The following AVPI1 variants were observed in gnomAD, a reference collection of about 807,000 sequenced individuals.
AVPI1 encodes arginine vasopressin induced 1.
AVPI1 carries 9 observed loss-of-function variants against 11.9 expected under a neutral mutation model. That is an observed-to-expected ratio of 0.76 (90% CI 0.46 to 1.32). AVPI1 has a LOEUF of 1.32. AVPI1 is among the 40% of genes most tolerant of loss of function. The pLI is 0.00. For missense variants in AVPI1, 207 were observed against 195.8 expected (o/e 1.06, Z -0.34); for synonymous variants, 68 against 78.1 (o/e 0.87, Z 0.68).
At chr10:97,682,934 C>T (rs1367000245) in intron 1 of AVPI1, among the ~76,000 whole-genome samples, 3 of 152,154 alleles carry the variant, frequency 2.0e-5, no homozygotes, top group Non-Finnish European at 4.4e-5. Flanking sequence ...AGACAACAGT[C>T]GCCAAGTAAC....
chr10:97,678,684 TAAAA>T (rs66489128), intron 2 of AVPI1, among the ~76,000 whole-genome samples: 2 of 145,098 alleles, frequency 1.4e-5, no homozygotes, highest in Non-Finnish European at 3.0e-5. Context: ...TAATTAGGCT[TAAAA>T]AAAAAAAAAA....
At chr10:97,686,447 A>C (rs1244118450) in intron 1 of AVPI1, among the ~76,000 whole-genome samples, 2 of 152,202 alleles carry the variant, frequency 1.3e-5, no homozygotes, top group African/African-American at 4.8e-5. Context: ...TCCTCACTTA[A>C]GGTGGCACTA....
chr10:97,680,902 G>A (rs2041700317), intron 1 of AVPI1, among the ~76,000 whole-genome samples: 1 of 152,188 alleles, frequency 6.6e-6, no homozygotes, highest in African/African-American at 2.4e-5. Flanking sequence ...AAACTTATAA[G>A]AAAGTTCAAT....
At position 97,677,848 on chromosome 10, in the gene AVPI1, A is replaced by G. The variant is rs374234934; in HGVS notation, c.*21T>C. 4.0e-5 allele frequency: 65 copies of G among 1,612,750 alleles called. No homozygotes were observed. Among genetic ancestry groups the G allele is most frequent in the Middle Eastern group, 1.6e-4 (1 of 6,070 alleles). ...TTTTGGCAAGAGGGAAGACACTGCC[A>G]TTCCTGGCTCTTTCCCTGGATCAGT... On this transcript the variant is annotated 3_prime_UTR_variant, in exon 3 of 3. Transcript: ENST00000370626.
At chr10:97,685,381 CTT>C (rs747774265) in intron 1 of AVPI1, among the ~76,000 whole-genome samples, 1 of 152,328 alleles carries the variant, frequency 6.6e-6, no homozygotes, top group East Asian at 1.9e-4. Flanking sequence ...ATTGAGCACT[CTT>C]TGCAATATAT....
At chr10:97,683,666 G>C (rs1044358985) in intron 1 of AVPI1, among the ~76,000 whole-genome samples, 1 of 152,246 alleles carries the variant, frequency 6.6e-6, no homozygotes, top group Non-Finnish European at 1.5e-5. Flanking sequence ...TAGGGTCAGG[G>C]CTCTTTCCTG....
intron 1 of AVPI1, among the ~76,000 whole-genome samples, chr10:97,683,894 G>A (rs1470573779): frequency 2.0e-5 from 3 of 151,966 alleles, no homozygotes; most frequent in Non-Finnish European, 4.4e-5. Context: ...TATAAGAACA[G>A]CTTGATGCTG....
At chr10:97,680,585 G>T (rs2041699042) in intron 1 of AVPI1, among the ~76,000 whole-genome samples, 1 of 152,102 alleles carries the variant, frequency 6.6e-6, no homozygotes, top group Admixed American at 6.5e-5. Flanking sequence ...CATCCCCCCT[G>T]CCTCAGCTGC....
chr10:97,680,325 T>C lies in AVPI1; in HGVS notation c.-10-410A>G, dbSNP rs145303374. ...TACCAGGCACCTGTAACAGCTTGCT[T>C]CACATAGTATCAATGAGATGTAACA... On this transcript the variant is annotated intron_variant, in intron 1 of 2. Transcript: ENST00000370626. Among the ~76,000 whole-genome samples the C allele has an allele frequency of 1.3e-3, 193 of 152,300 alleles. 1 individual carries two copies. The highest frequency in any genetic ancestry group is 4.5e-3 in the African/African-American group (187 of 41,564).
intron 1 of AVPI1, among the ~76,000 whole-genome samples, chr10:97,684,810 C>T (rs1413114810): frequency 6.6e-6 from 1 of 152,170 alleles, no homozygotes; most frequent in African/African-American, 2.4e-5. Context: ...AAGCCCCTCA[C>T]TCTTGGCTCT....
In AVPI1 at chr10:97,679,683, G is replaced by A. The variant is rs201359925; in HGVS notation, c.223C>T (p.Arg75Cys). The A allele has an allele frequency of 1.7e-5, 27 of 1,613,972 alleles. No homozygotes were observed. The highest frequency in any genetic ancestry group is 1.3e-4 in the African/African-American group (10 of 75,044). ...HRVAEALKRL[R>C]RKRPPRQKPL... ...TTCTGCCTTGGGGGCCTCTTCCTGC[G>A]CAGCCTCTTGAGGGCCTCAGCCACA... The change falls in exon 2 of 3, where the codon CGC (arginine) becomes TGC (cysteine). Residue 75 changes from arginine to cysteine, a missense_variant. Arg to Cys is a radical substitution (Grantham distance 180). Coordinates refer to ENST00000370626, the MANE Select transcript of AVPI1 (RefSeq NM_021732.3).
Position 97,677,627 on chromosome 10 carries a change from G to A in AVPI1, c.*242C>T. On this transcript the variant is annotated 3_prime_UTR_variant, in exon 3 of 3. Transcript: ENST00000370626. ...ATCATGCAGCCCAGGAATAGTGTTAGACTGGGAAGGACTGTGGCAGGAACA... is the reference window on the plus strand; with the variant it reads ...ATCATGCAGCCCAGGAATAGTGTTAAACTGGGAAGGACTGTGGCAGGAACA... 1 of 488,270 alleles carries A rather than the reference G, an allele frequency of 2.0e-6. No homozygotes were observed. The highest frequency in any genetic ancestry group is 3.7e-6 in the Non-Finnish European group (1 of 271,114). The allele number at this position is 488,270 out of a possible 1,614,324, so 30.2% of individuals were successfully genotyped here. A position where few individuals can be genotyped will look rare whatever the true frequency, so the allele number is the denominator to read the frequency against.
chr10:97,684,308 C>G (rs1405174446), intron 1 of AVPI1, among the ~76,000 whole-genome samples: 1 of 152,082 alleles, frequency 6.6e-6, no homozygotes, highest in African/African-American at 2.4e-5. Context: ...GAGGAAATGG[C>G]TTGGAGCCTG....
chr10:97,680,074 C>T (rs576978486), intron 1 of AVPI1, among the ~76,000 whole-genome samples, 159 bp from the exon 2 acceptor site: 1 of 152,268 alleles, frequency 6.6e-6, no homozygotes, highest in South Asian at 2.1e-4. Context: ...TGTGTCAGAC[C>T]CCCATATTAT....
Position 97,679,619 on chromosome 10 carries a change from C to G in AVPI1, c.287G>C (p.Arg96Thr), listed in dbSNP as rs766152862. ...CAGCCATCCGGTTCTAGGAACCTAC[C>G]TGAGGCGGCTGCAGTGGTGTAGCGA... ...GHSLHHCSRL[R>T]ILEPHSALAN... Residue 96 changes from arginine (R) to threonine (T), a missense_variant and splice_region_variant, in exon 2 of 3, where the codon AGA (arginine) becomes ACA (threonine). By Grantham distance (71) the Arg-to-Thr change is moderately conservative. Transcript: ENST00000370626. 2.5e-6 allele frequency: 4 copies of G among 1,608,028 alleles called. No individual in the cohort carries two copies. The highest frequency in any genetic ancestry group is 3.4e-6 in the Non-Finnish European group (4 of 1,176,690).
In AVPI1 at chr10:97,678,965, G is replaced by T. The variant is rs1339811104; in HGVS notation, c.287+654C>A. ...TGTGTGTGTGTGTGTGTGTGTGTGT[G>T]TGTGTGTGTGTGTGTGTGTGTGTGT... On this transcript the variant is annotated intron_variant, in intron 2 of 2. Transcript: ENST00000370626. 3.8e-5 allele frequency among the ~76,000 whole-genome samples: 3 copies of T among 78,352 alleles called. 1 individual carries two copies. Among genetic ancestry groups the T allele is most frequent in the South Asian group, 1.0e-3 (2 of 1,976 alleles). 51.4% of individuals were successfully genotyped at this position (78,352 alleles called of 152,430 possible). A position where few individuals can be genotyped will look rare whatever the true frequency, so the allele number is the denominator to read the frequency against.
At chr10:97,678,883 GT>G (rs1564779776) in intron 2 of AVPI1, among the ~76,000 whole-genome samples, 191 of 3,420 alleles carry the variant, frequency 0.056, 5 homozygotes, top group African/African-American at 0.14. Context: ...GGGGGAGGGT[GT>G]GTGTGTGTGT....
chr10:97,681,770 C>G (rs577050002), intron 1 of AVPI1, among the ~76,000 whole-genome samples: 2 of 148,250 alleles, frequency 1.3e-5, no homozygotes, highest in Non-Finnish European at 3.0e-5. Flanking sequence ...CCCAGCTACT[C>G]GGGAGGCTGA....
At chr10:97,681,606 C>T (rs1589943888) in intron 1 of AVPI1, among the ~76,000 whole-genome samples, 1 of 150,862 alleles carries the variant, frequency 6.6e-6, no homozygotes, top group Non-Finnish European at 1.5e-5. Flanking sequence ...CGGCCGGGCG[C>T]GGTGGCTCAC....
Sources: allele counts gnomAD v4.1 joint callset (sites outside exome capture counted in the v4.1 genomes callset), GRCh38; gene constraint gnomAD v4.1.1; transcripts MANE v1.5; gene names NCBI Gene and HGNC (gene_info 2026-07-23, HGNC 2026-07-21).